The following PPP2R2C variants were observed in gnomAD, a reference collection of about 807,000 sequenced individuals.
The protein encoded by PPP2R2C is protein phosphatase 2, regulatory subunit B, gamma.
Under a neutral mutation model 45.3 loss-of-function variants are expected in PPP2R2C, and 10 were observed. The observed-to-expected ratio is 0.22, with a 90% confidence interval of 0.14 to 0.37. The LOEUF (loss-of-function observed/expected upper bound fraction) is 0.37. PPP2R2C is among the 10% of genes least tolerant of loss of function. The pLI, the probability that PPP2R2C is intolerant of heterozygous loss-of-function variation, is 1.00. For synonymous variants in PPP2R2C, 257 were observed against 245.4 expected (o/e 1.05, Z -0.44); for missense variants, 308 against 619.7 (o/e 0.50, Z 5.34).
intron 2 of PPP2R2C, among the ~76,000 whole-genome samples, chr4:6,534,090 A>G (rs1235951675): frequency 6.6e-6 from 1 of 151,026 alleles, no homozygotes; most frequent in Non-Finnish European, 1.5e-5. Flanking sequence ...ACACATCAAC[A>G]CATACACTAA....
chr4:6,400,382 G>A (rs1195127074), intron 1 of PPP2R2C, among the ~76,000 whole-genome samples: 2 of 152,154 alleles, frequency 1.3e-5, no homozygotes, highest in Admixed American at 1.3e-4. Context: ...AACATGTAAT[G>A]GGTTTACACT....
intron 1 of PPP2R2C, among the ~76,000 whole-genome samples, chr4:6,388,956 C>A (rs1368813286): frequency 1.3e-5 from 2 of 152,086 alleles, no homozygotes; most frequent in Admixed American, 6.5e-5. Context: ...CTGGGCTACC[C>A]CCAAGCCGGT....
intron 5 of PPP2R2C, among the ~76,000 whole-genome samples, chr4:6,365,377 G>C (rs1714203758): frequency 6.6e-6 from 1 of 152,256 alleles, no homozygotes; most frequent in Admixed American, 6.5e-5. Context: ...GCAGGAAGAA[G>C]AGGTGGCCTG....
chr4:6,354,543 C>T (rs1293570377), intron 5 of PPP2R2C, among the ~76,000 whole-genome samples: 1 of 152,068 alleles, frequency 6.6e-6, no homozygotes, highest in Non-Finnish European at 1.5e-5. Context: ...GGGACATGTT[C>T]GCTGCATGAC....
intron 2 of PPP2R2C, among the ~76,000 whole-genome samples, chr4:6,490,810 G>A (rs1461619651): frequency 6.6e-6 from 1 of 152,176 alleles, no homozygotes; most frequent in African/African-American, 2.4e-5. Context: ...GCCGCACCCT[G>A]GGCAAACACT....
intron 1 of PPP2R2C, among the ~76,000 whole-genome samples, chr4:6,540,633 C>G (rs1724777779): frequency 6.6e-6 from 1 of 152,224 alleles, no homozygotes; most frequent in Non-Finnish European, 1.5e-5. Flanking sequence ...TATGTTTAAC[C>G]TTTTGAGGAA....
chr4:6,557,655 A>T (rs963192019), intron 1 of PPP2R2C, among the ~76,000 whole-genome samples: 9 of 152,148 alleles, frequency 5.9e-5, no homozygotes, highest in Admixed American at 6.5e-5. Context: ...AGCGCTGTGG[A>T]GATGGGCACA....
intron 5 of PPP2R2C, among the ~76,000 whole-genome samples, chr4:6,354,156 C>G (rs969543855): frequency 4.0e-5 from 6 of 151,136 alleles, no homozygotes; most frequent in Non-Finnish European, 8.8e-5. Flanking sequence ...GGGTCCGTGC[C>G]CAAGCTCAGC....
At chr4:6,501,876 T>C (rs1723066881) in intron 2 of PPP2R2C, among the ~76,000 whole-genome samples, 1 of 152,180 alleles carries the variant, frequency 6.6e-6, no homozygotes, top group South Asian at 2.1e-4. Flanking sequence ...AGAGACCCAG[T>C]ATCTTTGTCT....
intron 1 of PPP2R2C, among the ~76,000 whole-genome samples, chr4:6,441,383 G>C (rs1370387369): frequency 2.6e-5 from 4 of 151,878 alleles, no homozygotes; most frequent in Non-Finnish European, 5.9e-5. Flanking sequence ...AGCTGCAGGG[G>C]AGGAGCCACG....
intron 1 of PPP2R2C, among the ~76,000 whole-genome samples, chr4:6,461,362 G>A (rs1172588899): frequency 6.6e-6 from 1 of 152,166 alleles, no homozygotes; most frequent in African/African-American, 2.4e-5. Context: ...CAAGATGCAG[G>A]TTCTTCCCAC....
At chr4:6,429,485 A>G (rs1255878436) in intron 1 of PPP2R2C, among the ~76,000 whole-genome samples, 1 of 152,222 alleles carries the variant, frequency 6.6e-6, no homozygotes, top group Non-Finnish European at 1.5e-5. Context: ...ATTGTAAGGA[A>G]ACCCAAAACA....
chr4:6,370,152 C>T (rs1312076590), intron 5 of PPP2R2C, among the ~76,000 whole-genome samples: 1 of 152,180 alleles, frequency 6.6e-6, no homozygotes, highest in Non-Finnish European at 1.5e-5. Context: ...GGGGGCAGGC[C>T]GAGGCCAGGG....
At chr4:6,381,139 C>G (rs369506775) in intron 1 of PPP2R2C, 45 bp from the exon 2 acceptor site, 1 of 1,554,260 alleles carries the variant, frequency 6.4e-7, no homozygotes, top group East Asian at 2.4e-5. Flanking sequence ...TGTCAGAACC[C>G]GCCTCTCCCG....
chr4:6,450,130 G>A (rs960804497), intron 1 of PPP2R2C, among the ~76,000 whole-genome samples: 6 of 152,200 alleles, frequency 3.9e-5, no homozygotes, highest in African/African-American at 1.2e-4. Context: ...GACAAGGCTG[G>A]GGCCAAATCC....
At chr4:6,410,841 T>TTTA (rs1718126450) in intron 1 of PPP2R2C, among the ~76,000 whole-genome samples, 26 of 140,430 alleles carry the variant, frequency 1.9e-4, no homozygotes, top group African/African-American at 6.6e-4. Context: ...ATTCCCCCTG[T>TTTA]TTTATTTATT....
At chr4:6,516,049 T>C (rs1307011937) in intron 2 of PPP2R2C, among the ~76,000 whole-genome samples, 9 of 152,266 alleles carry the variant, frequency 5.9e-5, no homozygotes, top group Admixed American at 5.9e-4. Flanking sequence ...CAGTATGACC[T>C]GATCTCAACT....
chr4:6,406,105 G>C (rs537470152), intron 1 of PPP2R2C, among the ~76,000 whole-genome samples: 1 of 152,144 alleles, frequency 6.6e-6, no homozygotes, highest in East Asian at 1.9e-4. Flanking sequence ...TTCGGAGCAC[G>C]TTACAAGAAC....
chr4:6,535,499 A>G, intron 1 of PPP2R2C: 1 of 643,426 alleles, frequency 1.6e-6, no homozygotes, highest in Non-Finnish European at 2.6e-6. Flanking sequence ...CGCCCGGCAC[A>G]GCTCCAGCCA....
Sources: allele counts gnomAD v4.1 joint callset (sites outside exome capture counted in the v4.1 genomes callset), GRCh38; gene constraint gnomAD v4.1.1; transcripts MANE v1.5; gene names NCBI Gene and HGNC (gene_info 2026-07-23, HGNC 2026-07-21).